Variants in SLIT3 observed in about 807,000 individuals in gnomAD.
The protein encoded by SLIT3 is slit guidance ligand 3.
In SLIT3, 68 loss-of-function variants were observed where a neutral mutation model predicts 184.0. That is an observed-to-expected ratio of 0.37 (90% CI 0.30 to 0.45). SLIT3 has a LOEUF of 0.45. SLIT3 is among the 20% of genes least tolerant of loss of function. The pLI is 1.00. For missense variants in SLIT3, 1,707 were observed against 2,026.0 expected (o/e 0.84, Z 3.02); for synonymous variants, 831 against 828.6 (o/e 1.00, Z -0.05).
At chr5:169,188,060 C>T (rs762873512) in intron 4 of SLIT3, among the ~76,000 whole-genome samples, 11 of 152,108 alleles carry the variant, frequency 7.2e-5, no homozygotes, top group Admixed American at 2.0e-4. Context: ...AGGGCTCAAG[C>T]GATCCCCGCA....
chr5:168,877,144 C>G (rs1322462367), intron 5 of SLIT3, among the ~76,000 whole-genome samples: 1 of 152,080 alleles, frequency 6.6e-6, no homozygotes, highest in African/African-American at 2.4e-5. Context: ...CAAGTAATAA[C>G]AGGATAACAT....
intron 4 of SLIT3, among the ~76,000 whole-genome samples, chr5:169,141,059 T>C (rs1761718330): frequency 6.6e-6 from 1 of 152,212 alleles, no homozygotes; most frequent in Non-Finnish European, 1.5e-5. Context: ...CCTTTCTTTT[T>C]GCTCCCATAT....
At chr5:169,137,201 C>A (rs17070872) in intron 4 of SLIT3, among the ~76,000 whole-genome samples, 1 of 152,168 alleles carries the variant, frequency 6.6e-6, no homozygotes, top group South Asian at 2.1e-4. Context: ...CCCAACTCTA[C>A]GGATGGGATA....
At chr5:169,272,584 GA>G (rs1483059473) in intron 1 of SLIT3, among the ~76,000 whole-genome samples, 2 of 152,226 alleles carry the variant, frequency 1.3e-5, no homozygotes, top group East Asian at 3.9e-4. Flanking sequence ...AACAGTGGGG[GA>G]TTTGAATGCA....
chr5:169,196,843 T>C (rs909908600), intron 3 of SLIT3, among the ~76,000 whole-genome samples: 13 of 152,262 alleles, frequency 8.5e-5, no homozygotes, highest in African/African-American at 3.1e-4. Flanking sequence ...CCTGTGTACA[T>C]TGCCTTCCCT....
intron 3 of SLIT3, among the ~76,000 whole-genome samples, chr5:169,242,778 A>G (rs1765445952): frequency 6.6e-6 from 1 of 152,170 alleles, no homozygotes; most frequent in African/African-American, 2.4e-5. Flanking sequence ...AGAAATAATC[A>G]GGTTTCCTCT....
In SLIT3 at chr5:168,728,277, C is replaced by CATATAT. The variant is rs3061738; in HGVS notation, c.2271-3799_2271-3794dup. ...AAACCCAAAGTATCTTAATCAACAA[C>CATATAT]ATATATATATATATATATATATATC... is the stretch of plus-strand genomic sequence containing the variant. On this transcript the variant is annotated intron_variant, in intron 20 of 35. Transcript: ENST00000519560. Among the ~76,000 whole-genome samples the CATATAT allele has an allele frequency of 6.7e-3, 942 of 140,968 alleles. 15 individuals carry two copies. The East Asian group carries it at 0.081, about 12-fold the overall frequency. The allele number at this position is 140,968 out of a possible 152,430, so 92.5% of individuals were successfully genotyped here.
At chr5:169,220,425 A>AT (rs567735622) in intron 3 of SLIT3, among the ~76,000 whole-genome samples, 8 of 151,948 alleles carry the variant, frequency 5.3e-5, no homozygotes, top group South Asian at 2.1e-4. Context: ...GGGGATGTGT[A>AT]TTTTTTTGGC....
At position 168,663,666 on chromosome 5, in the gene SLIT3, TC is replaced by T. The variant is rs1456360353; in HGVS notation, c.*2787del. ...CTGCTCCTCAGTGTGCTTCCCATAC[TC>T]TTGCCACCCTAGATTTTGACTCTTC... On this transcript the variant is annotated 3_prime_UTR_variant, in exon 36 of 36. Transcript: ENST00000519560. The T allele has an allele frequency of 6.6e-6, 1 of 152,386 alleles. No individual in the cohort carries two copies. Among genetic ancestry groups the T allele is most frequent in the African/African-American group, 2.4e-5 (1 of 41,472 alleles). 9.4% of individuals were successfully genotyped at this position (152,386 alleles called of 1,614,324 possible). A position where few individuals can be genotyped will look rare whatever the true frequency, so the allele number is the denominator to read the frequency against.
chr5:168,843,055 G>A (rs1758324028), intron 6 of SLIT3, among the ~76,000 whole-genome samples: 1 of 152,110 alleles, frequency 6.6e-6, no homozygotes, highest in Non-Finnish European at 1.5e-5. Context: ...CCAGTTCCAG[G>A]GTCAGAGTTT....
intron 4 of SLIT3, among the ~76,000 whole-genome samples, chr5:168,974,754 G>A (rs903922785): frequency 1.1e-4 from 16 of 152,264 alleles, no homozygotes; most frequent in East Asian, 1.9e-4. Context: ...GTCCTCTGCC[G>A]AAAAGGCTCT....
rs148069578 is a variant in SLIT3 at position 169,172,176 on chromosome 5, T to C, written c.413+21303A>G. ...AGGTTCTCAAAGGCCATGTTGAGAT[T>C]GAAATGAAATGGGACCACAGAATTG... is the stretch of plus-strand genomic sequence containing the variant. On this transcript the variant is annotated intron_variant, in intron 4 of 35. Coordinates refer to ENST00000519560, the MANE Select transcript of SLIT3 (RefSeq NM_003062.4). Among the ~76,000 whole-genome samples, 862 of 152,340 alleles carry C rather than the reference T, an allele frequency of 5.7e-3. 10 individuals are homozygous for C. The highest frequency in any genetic ancestry group is 0.02 in the African/African-American group (821 of 41,578).
intron 12 of SLIT3, among the ~76,000 whole-genome samples, chr5:168,780,388 C>T (rs1050612249): frequency 6.6e-6 from 1 of 152,226 alleles, no homozygotes; most frequent in African/African-American, 2.4e-5. Context: ...ACTCTGTGGG[C>T]CTTCTTTTCC....
At chr5:168,789,781 A>G in intron 10 of SLIT3, 150 bp from the exon 11 acceptor site, 1 of 616,798 alleles carries the variant, frequency 1.6e-6, no homozygotes, top group Non-Finnish European at 2.9e-6. Context: ...CAAGAGAAGG[A>G]GCTTAAAGAG....
intron 24 of SLIT3, among the ~76,000 whole-genome samples, chr5:168,712,007 A>G (rs1323338107): frequency 2.6e-5 from 4 of 152,258 alleles, no homozygotes; most frequent in Non-Finnish European, 5.9e-5. Flanking sequence ...GTTGTAAGAA[A>G]TAAATAGAAA....
intron 5 of SLIT3, chr5:168,844,894 G>C: frequency 2.4e-5 from 9 of 379,920 alleles, no homozygotes; most frequent in South Asian, 1.2e-4. Context: ...TATTAATTGC[G>C]CATTTTTTTT....
chr5:169,021,309 G>A (rs555571540), intron 4 of SLIT3, among the ~76,000 whole-genome samples: 3 of 152,212 alleles, frequency 2.0e-5, no homozygotes, highest in South Asian at 2.1e-4. Context: ...AATTCAACTT[G>A]AGCAACATGA....
At chr5:168,738,498 G>T (rs911627259) in intron 20 of SLIT3, among the ~76,000 whole-genome samples, 1 of 152,222 alleles carries the variant, frequency 6.6e-6, no homozygotes, top group African/African-American at 2.4e-5. Flanking sequence ...GTGTAATTGA[G>T]TTGCAAGCTG....
chr5:168,964,327 G>T (rs1763111023), intron 4 of SLIT3, among the ~76,000 whole-genome samples: 1 of 152,210 alleles, frequency 6.6e-6, no homozygotes, highest in Non-Finnish European at 1.5e-5. Context: ...TTTATGTGAG[G>T]GAGAGTTTAA....
Sources: gnomAD v4.1 joint callset for allele counts (sites outside exome capture counted in the v4.1 genomes callset) on GRCh38, gnomAD v4.1.1 for gene constraint, MANE v1.5 for transcripts, NCBI Gene and HGNC (gene_info 2026-07-23, HGNC 2026-07-21) for gene names.